Variants in FAM234A observed in about 807,000 individuals in gnomAD.
FAM234A encodes protein FAM234A.
Under a neutral mutation model 49.1 loss-of-function variants are expected in FAM234A, and 42 were observed. The ratio of observed to expected loss-of-function variants is 0.86; its 90% CI spans 0.67 to 1.11. The LOEUF is 1.11. FAM234A is among the 50% of genes least tolerant of loss of function. The pLI, the probability that FAM234A is intolerant of heterozygous loss-of-function variation, is 0.00. For synonymous variants in FAM234A, 369 were observed against 316.2 expected, an observed-to-expected ratio of 1.17 and a Z score of -1.77; for missense variants, 815 against 745.2, an observed-to-expected ratio of 1.09 and a Z score of -1.09.
At chr16:251,247 C>T (rs1049078400) in intron 2 of FAM234A, among the ~76,000 whole-genome samples, 7 of 152,186 alleles carry the variant, frequency 4.6e-5, no homozygotes, top group African/African-American at 1.2e-4. Context: ...TGAGCCACTG[C>T]GCCCAGCCGA....
chr16:240,510 T>C (rs2050574725), intron 1 of FAM234A, among the ~76,000 whole-genome samples: 1 of 152,016 alleles, frequency 6.6e-6, no homozygotes, highest in East Asian at 1.9e-4. Context: ...GTATTTTTTT[T>C]TTTTTTTTTG....
intron 2 of FAM234A, among the ~76,000 whole-genome samples, chr16:252,821 C>CA (rs2051073223): frequency 6.6e-6 from 1 of 152,330 alleles, no homozygotes; most frequent in East Asian, 1.9e-4. Flanking sequence ...GACCCTTCCC[C>CA]AGAGGGTGCG....
chr16:260,208 G>GCCACCT (rs753812999), intron 5 of FAM234A, 48 bp downstream of exon 5: 106 of 1,562,068 alleles, frequency 6.8e-5, no homozygotes, highest in Middle Eastern at 2.0e-4. Context: ...TCTCACCTGA[G>GCCACCT]CCACCTCACC....
At chr16:244,533 C>G (rs528116342) in intron 1 of FAM234A, among the ~76,000 whole-genome samples, 216 of 152,292 alleles carry the variant, frequency 1.4e-3, no homozygotes, top group African/African-American at 5.2e-3. Flanking sequence ...ACATGAACCT[C>G]TGACCCCACT....
chr16:260,225 G>A lies in FAM234A; in HGVS notation c.577+65G>A, dbSNP rs960549662. The A allele has an allele frequency of 4.1e-6, 6 of 1,480,476 alleles. No homozygotes were observed. In the Admixed American group the frequency reaches 8.5e-5, roughly 21 times the overall value. The allele number at this position is 1,480,476 out of a possible 1,614,324, so 91.7% of individuals were successfully genotyped here. A position where few individuals can be genotyped will look rare whatever the true frequency, so the allele number is the denominator to read the frequency against. On this transcript the variant is annotated intron_variant, in intron 5 of 12. Coordinates refer to ENST00000399932, the MANE Select transcript of FAM234A (RefSeq NM_032039.4). ...TCACCTGAGCCACCTCACCCTGAGG[G>A]CTAATGCCAGGAGGCCGCGACGAGG... is the stretch of plus-strand genomic sequence containing the variant.
intron 1 of FAM234A, among the ~76,000 whole-genome samples, chr16:246,219 AAAT>A (rs112986840): frequency 1.7e-4 from 25 of 150,620 alleles, no homozygotes; most frequent in Admixed American, 2.7e-4. Context: ...TGTCTCAAAA[AAAT>A]AATAATAATA....
intron 1 of FAM234A, among the ~76,000 whole-genome samples, chr16:246,219 A>AAT (rs1555461245): frequency 2.5e-4 from 38 of 150,744 alleles, no homozygotes; most frequent in African/African-American, 8.3e-4. Flanking sequence ...TGTCTCAAAA[A>AAT]AATAATAATA....
chr16:251,506 C>T (rs538130705), intron 2 of FAM234A, among the ~76,000 whole-genome samples: 9 of 151,878 alleles, frequency 5.9e-5, no homozygotes, highest in African/African-American at 1.9e-4. Flanking sequence ...CTCCGGGTAG[C>T]TGAGACCACG....
At chr16:267,649 GCA>G (rs1426278535), downstream of FAM234A, among the ~76,000 whole-genome samples, 10 of 112,088 alleles carry the variant, frequency 8.9e-5, no homozygotes, top group Non-Finnish European at 1.2e-4. Context: ...TACGACACGT[GCA>G]CACACATATG....
intron 3 of FAM234A, among the ~76,000 whole-genome samples, chr16:258,300 G>A (rs1198224572): frequency 6.6e-6 from 1 of 152,134 alleles, no homozygotes; most frequent in African/African-American, 2.4e-5. Context: ...AGGTCCCTGC[G>A]GCCTTCCGCA....
chr16:240,502 A>AT (rs11341453), intron 1 of FAM234A, among the ~76,000 whole-genome samples: 1,695 of 131,952 alleles, frequency 0.013, 11 homozygotes, highest in South Asian at 0.031. Flanking sequence ...ATCTGGGTGT[A>AT]TTTTTTTTTT....
chr16:263,456 G>T, intron 9 of FAM234A, 54 bp downstream of exon 9: 1 of 1,592,220 alleles, frequency 6.3e-7, no homozygotes, highest in Non-Finnish European at 8.5e-7. Context: ...CCGGCATCCC[G>T]GGCACATCCC....
Position 261,479 on chromosome 16 carries a change from C to T in FAM234A, c.673C>T (p.Pro225Ser). 1 of 1,612,136 alleles carries T rather than the reference C, an allele frequency of 6.2e-7. No individual in the cohort carries two copies. Among genetic ancestry groups the T allele is most frequent in the Non-Finnish European group, 8.5e-7 (1 of 1,179,420 alleles). ...GCCTGATGTGGACGGCGATGGGGCC[C>T]CAGACCTGCTGGTTCTCACCCAGGA... Reference protein sequence around the residue: ...QVPDVDGDGAPDLLVLTQERE... With the variant: ...QVPDVDGDGASDLLVLTQERE... The change falls in exon 6 of 13, where the codon CCA becomes TCA. Residue 225 changes from proline (P) to serine (S), a missense_variant. Transcript: ENST00000399932.
At chr16:259,861 G>A in intron 4 of FAM234A, 108 bp from the exon 5 acceptor site, 1 of 1,011,206 alleles carries the variant, frequency 9.9e-7, no homozygotes, top group Non-Finnish European at 1.5e-6. Context: ...AGGGGCTGTG[G>A]CCTAGGAGAG....
intron 1 of FAM234A, among the ~76,000 whole-genome samples, chr16:246,181 C>T (rs555093957): frequency 6.6e-6 from 1 of 151,422 alleles, no homozygotes; most frequent in South Asian, 2.1e-4. Context: ...CGCCATTGTA[C>T]TCCCGCCTAG....
At position 236,905 on chromosome 16, in the gene FAM234A, A is replaced by C. The variant is rs374472072; in HGVS notation, c.-140+2048A>C. Among the ~76,000 whole-genome samples the C allele has an allele frequency of 9.3e-5, 5 of 53,566 alleles. 1 individual carries two copies. The highest frequency in any genetic ancestry group is 2.5e-4 in the Non-Finnish European group (4 of 16,060). 35.1% of individuals were successfully genotyped at this position (53,566 alleles called of 152,430 possible). A position where few individuals can be genotyped will look rare whatever the true frequency, so the allele number is the denominator to read the frequency against. On this transcript the variant is annotated intron_variant, in intron 1 of 12. Coordinates refer to ENST00000399932, the MANE Select transcript of FAM234A (RefSeq NM_032039.4). ...CTGGGCCACAGCGAGACTGTCTCAAAAAAATAAAATAAAATAAATAAATAA... is the reference window on the plus strand; with the variant it reads ...CTGGGCCACAGCGAGACTGTCTCAACAAAATAAAATAAAATAAATAAATAA...
chr16:261,460 T>C lies in FAM234A; in HGVS notation c.654T>C (p.Asp218=). The C allele has an allele frequency of 6.2e-7, 1 of 1,613,392 alleles. No individual in the cohort carries two copies. The highest frequency in any genetic ancestry group is 8.5e-7 in the Non-Finnish European group (1 of 1,179,864). The change falls in exon 6 of 13, where the codon GAT becomes GAC. Residue 218 remains aspartate, a synonymous_variant. Transcript: ENST00000399932. ...SILSPLLQVP[D]VDGDGAPDLL... is the part of the protein sequence containing the mutation. ...TGAGCCCTCTGCTGCAGGTGCCTGA[T>C]GTGGACGGCGATGGGGCCCCAGACC... is the stretch of plus-strand genomic sequence containing the variant.
rs1567224170 is a variant in FAM234A, at chr16:261,611, C to CG, written c.708+100dup. ...CTGCTGCCACTTCCCAGACAGGATT[C>CG]GGGTCTGACCACTTGCCGGGGACTC... On this transcript the variant is annotated intron_variant, in intron 6 of 12. Coordinates refer to ENST00000399932, the MANE Select transcript of FAM234A (RefSeq NM_032039.4). 2.1e-6 allele frequency: 3 copies of CG among 1,421,790 alleles called. No homozygotes were observed. In the African/African-American group the frequency reaches 4.2e-5, roughly 20 times the overall value. The allele number at this position is 1,421,790 out of a possible 1,614,324, so 88.1% of individuals were successfully genotyped here.
At chr16:261,699 C>T (rs567578230) in intron 6 of FAM234A, among the ~76,000 whole-genome samples, 185 bp downstream of exon 6, 2 of 152,372 alleles carry the variant, frequency 1.3e-5, no homozygotes, top group Admixed American at 1.3e-4. Flanking sequence ...CCATCTCTAC[C>T]AGGCAGCTTT....
Sources: gnomAD v4.1 joint callset for allele counts (sites outside exome capture counted in the v4.1 genomes callset) on GRCh38, gnomAD v4.1.1 for gene constraint, MANE v1.5 for transcripts, NCBI Gene and HGNC (gene_info 2026-07-23, HGNC 2026-07-21) for gene names.